The following KAZN variants were observed in gnomAD, a reference collection of about 807,000 sequenced individuals.
KAZN encodes the protein kazrin, periplakin interacting protein.
KAZN carries 40 observed loss-of-function variants against 87.4 expected under a neutral mutation model. That is an observed-to-expected ratio of 0.46 (90% confidence interval 0.36 to 0.60). KAZN has a LOEUF of 0.60. Among genes scored for constraint, KAZN ranks in the 20% least tolerant of loss-of-function variants. The pLI, the probability that KAZN is intolerant of heterozygous loss-of-function variation, is 0.00. For missense variants in KAZN, 898 were observed against 1,073.9 expected, an observed-to-expected ratio of 0.84 and a Z score of 2.29; for synonymous variants, 466 against 458.3, an observed-to-expected ratio of 1.02 and a Z score of -0.22.
chr1:14,679,521 G>C (rs1398921878), intron 1 of KAZN, among the ~76,000 whole-genome samples: 1 of 152,048 alleles, frequency 6.6e-6, no homozygotes, highest in South Asian at 2.1e-4. Context: ...GCAAAGGTGC[G>C]TTCACAGGCA....
intron 1 of KAZN, among the ~76,000 whole-genome samples, chr1:14,893,283 TGGAGCCCA>T (rs1654914716): frequency 6.6e-6 from 1 of 152,060 alleles, no homozygotes; most frequent in Non-Finnish European, 1.5e-5. Flanking sequence ...GAAGAATCTC[TGGAGCCCA>T]GGAGGCAGAG....
chr1:14,256,872 C>A (rs966423356), intron 2 of KAZN, among the ~76,000 whole-genome samples: 6 of 152,144 alleles, frequency 3.9e-5, no homozygotes, highest in African/African-American at 1.4e-4. Context: ...CATTCAGTTG[C>A]AAGATCTGTA....
At chr1:14,080,242 A>G (rs1249474505) in intron 1 of KAZN, among the ~76,000 whole-genome samples, 1 of 67,972 alleles carries the variant, frequency 1.5e-5, no homozygotes, top group African/African-American at 5.1e-5. Flanking sequence ...TAACTTGAAG[A>G]GGTGGCTTAG....
At chr1:14,822,962 G>C (rs528846445) in intron 1 of KAZN, among the ~76,000 whole-genome samples, 1 of 152,192 alleles carries the variant, frequency 6.6e-6, no homozygotes, top group Admixed American at 6.5e-5. Context: ...GATCACTGGC[G>C]AGGTAAAGGG....
chr1:13,964,770 C>A (rs1476440467), intron 1 of KAZN, among the ~76,000 whole-genome samples: 2 of 152,168 alleles, frequency 1.3e-5, no homozygotes, highest in African/African-American at 4.8e-5. Flanking sequence ...AAGTTTACAT[C>A]ACAAAAGGTG....
chr1:14,415,483 C>T (rs1432631882), intron 2 of KAZN, among the ~76,000 whole-genome samples: 2 of 152,142 alleles, frequency 1.3e-5, no homozygotes, highest in African/African-American at 4.8e-5. Context: ...TGATTTCCAA[C>T]AAACAGTGTC....
At chr1:14,671,873 G>A (rs1185542035) in intron 1 of KAZN, among the ~76,000 whole-genome samples, 1 of 152,188 alleles carries the variant, frequency 6.6e-6, no homozygotes, top group Non-Finnish European at 1.5e-5. Flanking sequence ...GTGAGCGGAG[G>A]AGTGTGGATT....
At chr1:14,479,362 G>T (rs1668944819) in intron 2 of KAZN, among the ~76,000 whole-genome samples, 1 of 152,194 alleles carries the variant, frequency 6.6e-6, no homozygotes, top group African/African-American at 2.4e-5. Flanking sequence ...GTTCGCCATG[G>T]CCAAAACTCC....
chr1:15,053,403 G>A (rs1234811371), intron 4 of KAZN, among the ~76,000 whole-genome samples: 1 of 152,230 alleles, frequency 6.6e-6, no homozygotes, highest in Non-Finnish European at 1.5e-5. Context: ...TGTTCTTGCA[G>A]TAGGACAACA....
intron 1 of KAZN, among the ~76,000 whole-genome samples, chr1:14,724,225 T>C (rs1643268190): frequency 6.6e-6 from 1 of 151,942 alleles, no homozygotes; most frequent in South Asian, 2.1e-4. Flanking sequence ...TTAAAGGGAA[T>C]AAAAACAGGA....
At chr1:14,447,163 C>T (rs948518899) in intron 2 of KAZN, among the ~76,000 whole-genome samples, 2 of 150,948 alleles carry the variant, frequency 1.3e-5, no homozygotes, top group African/African-American at 4.9e-5. Context: ...CTAGTGGGAA[C>T]CCATAATTCT....
chr1:14,486,262 G>A (rs536451868), intron 2 of KAZN, among the ~76,000 whole-genome samples: 2 of 152,158 alleles, frequency 1.3e-5, no homozygotes, highest in Non-Finnish European at 2.9e-5. Context: ...ATCCAGGTTT[G>A]ACTTGGATGA....
intron 2 of KAZN, among the ~76,000 whole-genome samples, chr1:15,008,799 C>CGGCA (rs111603736): frequency 0.023 from 3,561 of 152,180 alleles, 141 homozygotes; most frequent in African/African-American, 0.081. Context: ...TGGGCAGAGG[C>CGGCA]GGCAAAGTCA....
chr1:14,087,596 GAT>G lies in KAZN; in HGVS notation c.92-92836_92-92835del, dbSNP rs547173655. ...GTATAGTGTTAGCTATAGAGTTTTA[GAT>G]ATGTTTCATCAGATTGAGGAAGTTC... On this transcript the variant is annotated intron_variant, in intron 1 of 16. Coordinates refer to the KAZN transcript ENST00000636203. 6.7e-4 allele frequency among the ~76,000 whole-genome samples: 102 copies of G among 152,116 alleles called. 2 individuals are homozygous for G. In the South Asian group the frequency reaches 6.8e-3, roughly 10 times the overall value.
At chr1:15,083,263 C>G (rs1420762839) in intron 8 of KAZN, among the ~76,000 whole-genome samples, 7 of 152,190 alleles carry the variant, frequency 4.6e-5, no homozygotes, top group Admixed American at 4.6e-4. Context: ...CAACCTCAGG[C>G]TAGGTGGAGG....
In KAZN at chr1:15,021,583, C is replaced by T. The variant is rs1176917088; in HGVS notation, c.419-13166C>T. 1.3e-5 allele frequency among the ~76,000 whole-genome samples: 2 copies of T among 152,088 alleles called. No individual in the cohort carries two copies. Among genetic ancestry groups the T allele is most frequent in the Non-Finnish European group, 1.5e-5 (1 of 68,036 alleles). On this transcript the variant is annotated intron_variant, in intron 2 of 14. Transcript: ENST00000376030. The surrounding 1 kb of genome is among the most constrained non-coding windows in gnomAD (Gnocchi z 4.2). ...TGGGGGCCTGCTTCCCGGGGCCCTC[C>T]GCCCTCCTGGCTTCCAGGTGACCTC...
intron 1 of KAZN, among the ~76,000 whole-genome samples, chr1:14,725,174 C>T (rs1643318295): frequency 6.6e-6 from 1 of 152,232 alleles, no homozygotes; most frequent in Admixed American, 6.5e-5. Context: ...CTCTCACTCA[C>T]TGGGTGCCTC....
chr1:14,740,258 G>A (rs144054980), intron 1 of KAZN, among the ~76,000 whole-genome samples: 41 of 152,258 alleles, frequency 2.7e-4, no homozygotes, highest in African/African-American at 8.7e-4. Flanking sequence ...CGTGCTGTGC[G>A]GGGAGCTGCA....
At chr1:14,570,177 A>G (rs922582919) in intron 2 of KAZN, among the ~76,000 whole-genome samples, 2 of 152,186 alleles carry the variant, frequency 1.3e-5, no homozygotes, top group Non-Finnish European at 2.9e-5. Flanking sequence ...CTCTCTCCTC[A>G]GTCAGGTTCA....
Sources: allele counts gnomAD v4.1 joint callset (sites outside exome capture counted in the v4.1 genomes callset), GRCh38; gene constraint gnomAD v4.1.1; non-coding constraint Gnocchi (gnomAD v3.1); transcripts MANE v1.5; gene names NCBI Gene and HGNC (gene_info 2026-07-23, HGNC 2026-07-21).